The following SGCD variants were observed in gnomAD, a reference collection of about 807,000 sequenced individuals.
SGCD encodes the protein sarcoglycan delta.
SGCD carries 18 observed loss-of-function variants against 36.6 expected under a neutral mutation model. That is an observed-to-expected ratio of 0.49 (90% CI 0.34 to 0.73). SGCD has a LOEUF of 0.73. SGCD is among the 30% of genes least tolerant of loss of function. The pLI, the probability that SGCD is intolerant of heterozygous loss-of-function variation, is 0.01. For missense variants in SGCD, 387 were observed against 346.7 expected (o/e 1.12, Z -0.92); for synonymous variants, 133 against 130.6 (o/e 1.02, Z -0.12).
chr5:156,416,361 TG>T (rs1452474267), intron 3 of SGCD, among the ~76,000 whole-genome samples: 2 of 152,132 alleles, frequency 1.3e-5, no homozygotes, highest in Non-Finnish European at 2.9e-5. Flanking sequence ...TTTGAGAACT[TG>T]GGGGAAAGGG....
chr5:156,514,782 A>G (rs1002796888), intron 4 of SGCD, among the ~76,000 whole-genome samples: 11 of 152,190 alleles, frequency 7.2e-5, no homozygotes, highest in Non-Finnish European at 2.9e-5. Context: ...TCTTTGAACA[A>G]TTGTTTAACC....
intron 3 of SGCD, among the ~76,000 whole-genome samples, chr5:156,268,722 A>C (rs1298357071): frequency 1.3e-5 from 2 of 152,102 alleles, no homozygotes; most frequent in Non-Finnish European, 2.9e-5. Flanking sequence ...CCTCCTGAGT[A>C]GCTGGGATTA....
chr5:156,081,513 C>A (rs747666344), intron 1 of SGCD, among the ~76,000 whole-genome samples: 4 of 152,156 alleles, frequency 2.6e-5, no homozygotes, highest in Admixed American at 6.5e-5. Flanking sequence ...CCTGCCTCAG[C>A]CTCCTGAGTA....
intron 7 of SGCD, among the ~76,000 whole-genome samples, chr5:156,675,054 G>A (rs988730637): frequency 6.6e-6 from 1 of 152,100 alleles, no homozygotes; most frequent in African/African-American, 2.4e-5. Context: ...CAGAATCTCC[G>A]TGATGGCAGC....
In SGCD at chr5:156,595,246, T is replaced by G. The variant is rs1005909484; in HGVS notation, c.502+195T>G. ...GAGGGTTGAGCCCTCATGAATGGGATTAGTGTCCTTCCAAGGGGATGAGAA... is the reference window on the plus strand; with the variant it reads ...GAGGGTTGAGCCCTCATGAATGGGAGTAGTGTCCTTCCAAGGGGATGAGAA... On this transcript the variant is annotated intron_variant, in intron 6 of 8. Coordinates refer to ENST00000337851, the MANE Select transcript of SGCD (RefSeq NM_000337.6). Among the ~76,000 whole-genome samples, 4 of 151,870 alleles carry G rather than the reference T, an allele frequency of 2.6e-5. No homozygotes were observed. The East Asian group carries it at 7.8e-4, about 29-fold the overall frequency.
chr5:156,646,321 A>G (rs1010910480), intron 6 of SGCD, among the ~76,000 whole-genome samples: 1 of 152,160 alleles, frequency 6.6e-6, no homozygotes, highest in Non-Finnish European at 1.5e-5. Flanking sequence ...CTTGCCATTC[A>G]GTGGGCACCA....
chr5:156,652,493 C>G (rs1266329467), intron 7 of SGCD, among the ~76,000 whole-genome samples: 2 of 152,048 alleles, frequency 1.3e-5, no homozygotes, highest in African/African-American at 4.8e-5. Flanking sequence ...ATCTTTCTCT[C>G]TCTCATATAC....
intron 3 of SGCD, among the ~76,000 whole-genome samples, chr5:156,499,839 G>A (rs902104882): frequency 6.6e-6 from 1 of 152,112 alleles, no homozygotes; most frequent in African/African-American, 2.4e-5. Flanking sequence ...GAAGAAGATG[G>A]TTCAGTATTC....
At chr5:156,343,736 T>G (rs1768792900) in intron 2 of SGCD, among the ~76,000 whole-genome samples, 1 of 152,208 alleles carries the variant, frequency 6.6e-6, no homozygotes, top group East Asian at 1.9e-4. Flanking sequence ...TCTACTGTGC[T>G]TAGCATTTAA....
chr5:156,200,285 C>G (rs1243158878), intron 3 of SGCD, among the ~76,000 whole-genome samples: 1 of 152,066 alleles, frequency 6.6e-6, no homozygotes, highest in Non-Finnish European at 1.5e-5. Context: ...CAGCAGTAAT[C>G]AAGATGTTGT....
chr5:155,821,381 T>G, the SGCD span, among the ~76,000 whole-genome samples: 1 of 152,034 alleles, frequency 6.6e-6, no homozygotes, highest in African/African-American at 2.4e-5. Flanking sequence ...TGGCCCAATC[T>G]CCGCTCACTG....
the SGCD span, among the ~76,000 whole-genome samples, chr5:155,818,450 G>C: frequency 6.6e-6 from 1 of 152,104 alleles, no homozygotes; most frequent in African/African-American, 2.4e-5. Context: ...AATCATCGTA[G>C]GAGAGGAGAG....
intron 4 of SGCD, among the ~76,000 whole-genome samples, chr5:156,572,740 A>G (rs1435798475): frequency 6.6e-6 from 1 of 152,210 alleles, no homozygotes; most frequent in Non-Finnish European, 1.5e-5. Flanking sequence ...AATTGAAGCA[A>G]TCAAAGGTTG....
intron 1 of SGCD, among the ~76,000 whole-genome samples, chr5:156,074,459 G>A (rs183278936): frequency 4.6e-5 from 7 of 151,408 alleles, no homozygotes; most frequent in Non-Finnish European, 7.4e-5. Flanking sequence ...TGAAGCAAGC[G>A]GATCACAAGA....
At position 156,367,213 on chromosome 5, in the gene SGCD, A is replaced by C. The variant is rs558618017; in HGVS notation, c.192+22536A>C. On this transcript the variant is annotated intron_variant, in intron 3 of 8. Transcript: ENST00000337851. ...GTTTATCTAAAATTCAGTATCTAAA[A>C]TGCCAGATTTACATCCACAAAGGTG... Among the ~76,000 whole-genome samples, 112 of 152,378 alleles carry C rather than the reference A, an allele frequency of 7.4e-4. 1 individual carries two copies. Among genetic ancestry groups the C allele is most frequent in the African/African-American group, 2.6e-3 (108 of 41,592 alleles).
chr5:156,757,754 C>T (rs975703109), intron 8 of SGCD, 50 bp downstream of exon 8: 18 of 1,574,442 alleles, frequency 1.1e-5, no homozygotes, highest in African/African-American at 9.5e-5. Flanking sequence ...TTCAACAGGC[C>T]AACCCTTCCC....
intron 1 of SGCD, among the ~76,000 whole-genome samples, chr5:155,880,251 G>A (rs753812663): frequency 7.0e-4 from 106 of 152,184 alleles, no homozygotes; most frequent in Non-Finnish European, 1.3e-3. Context: ...CTTAGATAGT[G>A]CTTGGCACAC....
chr5:155,745,257 A>C, the SGCD span, among the ~76,000 whole-genome samples: 1 of 152,236 alleles, frequency 6.6e-6, no homozygotes, highest in African/African-American at 2.4e-5. Context: ...TTGGTAAAAT[A>C]AACTGGTAAA....
the SGCD span, among the ~76,000 whole-genome samples, chr5:155,821,752 G>A: frequency 6.6e-6 from 1 of 152,100 alleles, no homozygotes; most frequent in Non-Finnish European, 1.5e-5. Context: ...TAATGACAAG[G>A]AGCAATACTA....
Sources: gnomAD v4.1 joint callset for allele counts (sites outside exome capture counted in the v4.1 genomes callset) on GRCh38, gnomAD v4.1.1 for gene constraint, MANE v1.5 for transcripts, NCBI Gene and HGNC (gene_info 2026-07-23, HGNC 2026-07-21) for gene names.